The following CNTN4 variants were observed in gnomAD, a reference collection of about 807,000 sequenced individuals.
The protein encoded by CNTN4 is contactin 4, also known as contactin-4.
CNTN4 carries 77 observed loss-of-function variants against 122.5 expected under a neutral mutation model. The ratio of observed to expected loss-of-function variants is 0.63; its 90% CI spans 0.52 to 0.76. The LOEUF (loss-of-function observed/expected upper bound fraction) is 0.76. Ranked by LOEUF, CNTN4 falls within the 30% of genes least tolerant of loss-of-function variation. The pLI is 0.00. For synonymous variants in CNTN4, 512 were observed against 447.0 expected (o/e 1.15, Z -1.83); for missense variants, 1,256 against 1,259.1 (o/e 1.00, Z 0.04).
intron 11 of CNTN4, among the ~76,000 whole-genome samples, chr3:2,901,212 A>G (rs2094169534): frequency 6.6e-6 from 1 of 152,248 alleles, no homozygotes; most frequent in Admixed American, 6.5e-5. Flanking sequence ...TGACAAAGAA[A>G]TCTGAATGAA....
intron 15 of CNTN4, among the ~76,000 whole-genome samples, chr3:3,027,380 T>G (rs537406657): frequency 5.5e-4 from 84 of 152,312 alleles, no homozygotes; most frequent in Non-Finnish European, 5.9e-5. Context: ...GGACCCTGAC[T>G]GAGAAAGGCT....
intron 13 of CNTN4, among the ~76,000 whole-genome samples, chr3:2,949,428 C>T (rs1024269307): frequency 5.3e-5 from 8 of 152,162 alleles, no homozygotes; most frequent in African/African-American, 9.7e-5. Flanking sequence ...AGCACCCTAG[C>T]GATGCTTTCA....
intron 4 of CNTN4, among the ~76,000 whole-genome samples, chr3:2,580,675 A>G (rs2079894738): frequency 6.6e-6 from 1 of 152,214 alleles, no homozygotes; most frequent in African/African-American, 2.4e-5. Flanking sequence ...GTGAGTCTAT[A>G]AAGTATTTGC....
chr3:2,848,324 T>C (rs2093490404), intron 7 of CNTN4, among the ~76,000 whole-genome samples: 1 of 152,174 alleles, frequency 6.6e-6, no homozygotes, highest in Non-Finnish European at 1.5e-5. Context: ...GGGGAAGAAT[T>C]AAAGCAGAGA....
At chr3:2,689,994 C>T (rs2085644347) in intron 4 of CNTN4, among the ~76,000 whole-genome samples, 1 of 152,100 alleles carries the variant, frequency 6.6e-6, no homozygotes, top group Non-Finnish European at 1.5e-5. Flanking sequence ...TCATCACTTT[C>T]TATTTTTGTT....
intron 20 of CNTN4, 22 bp from the exon 21 acceptor site, chr3:3,042,288 C>G (rs1240723232): frequency 6.7e-7 from 1 of 1,483,822 alleles, no homozygotes; most frequent in Non-Finnish European, 9.4e-7. Context: ...AGAGTAATAA[C>G]TATCTCCATA....
intron 6 of CNTN4, among the ~76,000 whole-genome samples, chr3:2,761,241 C>T (rs2090575172): frequency 6.6e-6 from 1 of 152,180 alleles, no homozygotes; most frequent in Non-Finnish European, 1.5e-5. Flanking sequence ...GTCTTTCAGT[C>T]TTCCTGTTGG....
chr3:2,963,648 A>C (rs1317930658), intron 13 of CNTN4, among the ~76,000 whole-genome samples: 1 of 152,190 alleles, frequency 6.6e-6, no homozygotes, highest in African/African-American at 2.4e-5. Context: ...GTTTAACCTA[A>C]AGAAATTCCA....
chr3:2,328,314 G>A (rs1254317173), intron 2 of CNTN4, among the ~76,000 whole-genome samples: 3 of 150,752 alleles, frequency 2.0e-5, no homozygotes, highest in African/African-American at 4.9e-5. Context: ...GCTGAGGCAG[G>A]AGAATGGCGG....
intron 6 of CNTN4, among the ~76,000 whole-genome samples, chr3:2,800,614 A>T (rs1039695537): frequency 4.6e-5 from 7 of 152,182 alleles, no homozygotes; most frequent in African/African-American, 1.4e-4. Context: ...GAGTTGAATA[A>T]CTACAAAACT....
chr3:2,402,583 T>C (rs1390571804), intron 3 of CNTN4, among the ~76,000 whole-genome samples: 2 of 152,102 alleles, frequency 1.3e-5, no homozygotes, highest in Non-Finnish European at 2.9e-5. Flanking sequence ...CTTTCAGTTA[T>C]TTTGAAATAT....
At chr3:2,392,266 C>A (rs949434954) in intron 3 of CNTN4, among the ~76,000 whole-genome samples, 1 of 152,158 alleles carries the variant, frequency 6.6e-6, no homozygotes, top group Non-Finnish European at 1.5e-5. Context: ...AATCAGCTGT[C>A]CTCTGGTGTA....
chr3:2,458,570 A>G (rs1183672478), intron 3 of CNTN4, among the ~76,000 whole-genome samples: 1 of 152,176 alleles, frequency 6.6e-6, no homozygotes, highest in African/African-American at 2.4e-5. Flanking sequence ...TTGGGAGCGG[A>G]CAATACTTGT....
At chr3:2,689,635 C>T (rs7646667) in intron 4 of CNTN4, among the ~76,000 whole-genome samples, 33,526 of 151,994 alleles carry the variant, frequency 0.22, 4,109 homozygotes, top group South Asian at 0.43. Flanking sequence ...AATTAATCTG[C>T]AGGAGAGTAG....
intron 7 of CNTN4, among the ~76,000 whole-genome samples, chr3:2,861,145 A>G (rs1021888974): frequency 1.1e-4 from 16 of 152,112 alleles, no homozygotes; most frequent in African/African-American, 3.9e-4. Context: ...TAATTATCCT[A>G]TTTTTCAGAT....
intron 4 of CNTN4, among the ~76,000 whole-genome samples, chr3:2,704,872 A>G (rs533284032): frequency 2.6e-5 from 4 of 152,274 alleles, no homozygotes; most frequent in Non-Finnish European, 5.9e-5. Context: ...CTTACAGAAC[A>G]TTAATATACA....
intron 3 of CNTN4, among the ~76,000 whole-genome samples, chr3:2,491,630 T>G (rs2076319781): frequency 6.6e-6 from 1 of 152,218 alleles, no homozygotes; most frequent in Non-Finnish European, 1.5e-5. Flanking sequence ...ATTTTCAAAC[T>G]TGTATTATTT....
chr3:2,543,247 T>C (rs916292991), intron 3 of CNTN4, among the ~76,000 whole-genome samples: 1 of 152,060 alleles, frequency 6.6e-6, no homozygotes, highest in Non-Finnish European at 1.5e-5. Flanking sequence ...ACTAAGCGCC[T>C]GACCTTATGC....
intron 6 of CNTN4, among the ~76,000 whole-genome samples, chr3:2,810,827 T>A (rs144904833): frequency 3.9e-4 from 59 of 152,316 alleles, no homozygotes; most frequent in African/African-American, 1.3e-3. Context: ...CAAAGTAATA[T>A]CTAAATTGTA....
Sources: gnomAD v4.1 joint callset for allele counts (sites outside exome capture counted in the v4.1 genomes callset) on GRCh38, gnomAD v4.1.1 for gene constraint, MANE v1.5 for transcripts, NCBI Gene and HGNC (gene_info 2026-07-23, HGNC 2026-07-21) for gene names.